The following CSMD2 variants were observed in gnomAD, a reference collection of about 807,000 sequenced individuals.
The protein encoded by CSMD2 is CUB and Sushi multiple domains 2.
A neutral mutation model predicts 398.5 loss-of-function variants in CSMD2; 130 were observed. The observed-to-expected ratio is 0.33, with a 90% confidence interval of 0.28 to 0.38. The LOEUF (loss-of-function observed/expected upper bound fraction) is 0.38, where lower values mean the gene tolerates loss of function less well. CSMD2 is among the 10% of genes least tolerant of loss of function. The pLI, the probability that CSMD2 is intolerant of heterozygous loss-of-function variation, is 1.00. For synonymous variants in CSMD2, 1,828 were observed against 1,908.5 expected, an observed-to-expected ratio of 0.96 and a Z score of 1.10; for missense variants, 3,829 against 4,764.9, an observed-to-expected ratio of 0.80 and a Z score of 5.78.
intron 17 of CSMD2, among the ~76,000 whole-genome samples, chr1:33,724,931 C>G (rs1162960692): frequency 6.6e-6 from 1 of 152,196 alleles, no homozygotes; most frequent in Non-Finnish European, 1.5e-5. Context: ...GCAGCTCCAG[C>G]TTTCTATGTT....
chr1:33,912,704 C>A (rs1010478615), intron 5 of CSMD2, among the ~76,000 whole-genome samples: 2 of 152,180 alleles, frequency 1.3e-5, no homozygotes, highest in African/African-American at 4.8e-5. Context: ...TGTGAGCACC[C>A]CAGTACAGGG....
chr1:33,803,091 T>C (rs1022016259), intron 10 of CSMD2, among the ~76,000 whole-genome samples: 3 of 152,154 alleles, frequency 2.0e-5, no homozygotes, highest in Non-Finnish European at 4.4e-5. Context: ...AGCAAGACAT[T>C]TGTCATCGTT....
intron 5 of CSMD2, among the ~76,000 whole-genome samples, chr1:33,869,792 T>G (rs1640321748): frequency 6.6e-6 from 1 of 152,098 alleles, no homozygotes; most frequent in Non-Finnish European, 1.5e-5. Flanking sequence ...CACTCTCCCT[T>G]TCTCTCTCTC....
At chr1:33,738,787 G>A (rs1216346601) in intron 15 of CSMD2, among the ~76,000 whole-genome samples, 2 of 152,192 alleles carry the variant, frequency 1.3e-5, no homozygotes, top group South Asian at 2.1e-4. Flanking sequence ...AACTCGCAGC[G>A]CTGCCAATGC....
At chr1:34,111,667 C>G (rs1661088974) in intron 1 of CSMD2, among the ~76,000 whole-genome samples, 1 of 152,172 alleles carries the variant, frequency 6.6e-6, no homozygotes, top group Non-Finnish European at 1.5e-5. Context: ...CTTGCCCAAG[C>G]TCACACATAC....
At chr1:34,122,695 C>G (rs1405690860) in intron 1 of CSMD2, among the ~76,000 whole-genome samples, 1 of 152,190 alleles carries the variant, frequency 6.6e-6, no homozygotes, top group East Asian at 1.9e-4. Context: ...TATTTCCATA[C>G]CCCATCTGTG....
chr1:34,150,461 C>T (rs1275354653), intron 1 of CSMD2, among the ~76,000 whole-genome samples: 2 of 152,158 alleles, frequency 1.3e-5, no homozygotes, highest in Non-Finnish European at 2.9e-5. Context: ...GGTTTAAATC[C>T]AGGCTCTCCC....
chr1:33,541,399 A>G, intron 58 of CSMD2, 90 bp from the exon 59 acceptor site: 1 of 955,548 alleles, frequency 1.0e-6, no homozygotes. Flanking sequence ...GCATGCATCC[A>G]AGAAGGGAAA....
chr1:33,815,701 AC>A (rs1424683019), intron 9 of CSMD2, among the ~76,000 whole-genome samples: 1 of 152,236 alleles, frequency 6.6e-6, no homozygotes, highest in African/African-American at 2.4e-5. Flanking sequence ...GGTTATTGCC[AC>A]TTTACTCATA....
chr1:33,859,275 C>T (rs938270507), intron 5 of CSMD2, among the ~76,000 whole-genome samples: 1 of 152,180 alleles, frequency 6.6e-6, no homozygotes. Context: ...GGGGACAATC[C>T]TTTTGCTTGC....
In CSMD2 at chr1:33,973,137, C is replaced by T. The variant is rs747908090; in HGVS notation, c.518-37183G>A. On this transcript the variant is annotated intron_variant, in intron 3 of 70. Transcript: ENST00000373381. The stretch of plus-strand genomic sequence containing the variant: ...TCCTCAACCAGATCCCAGGCCTGGC[C>T]GTGCCAGAATCCAGCCCTGCTAGGA... Among the ~76,000 whole-genome samples the T allele has an allele frequency of 5.8e-4, 88 of 152,198 alleles. 1 individual carries two copies. The highest frequency in any genetic ancestry group is 1.0e-4 in the Non-Finnish European group (7 of 68,028).
In CSMD2 at chr1:33,515,861, T is replaced by G. The variant is rs1376968694; in HGVS notation, c.*763A>C. 1 of 152,234 alleles carries G rather than the reference T, an allele frequency of 6.6e-6. No homozygotes were observed. Among genetic ancestry groups the G allele is most frequent in the Non-Finnish European group, 1.5e-5 (1 of 68,092 alleles). The allele number at this position is 152,234 out of a possible 1,614,324, so 9.4% of individuals were successfully genotyped here. ...CCTATCCTCCCCGGCTCTCCCTTCT[T>G]TCCCAGTGCTTCCCAGGACCCAAAT... On this transcript the variant is annotated 3_prime_UTR_variant, in exon 71 of 71. Transcript: ENST00000373381.
intron 1 of CSMD2, among the ~76,000 whole-genome samples, chr1:34,122,320 G>A (rs1662271087): frequency 6.6e-6 from 1 of 151,990 alleles, no homozygotes; most frequent in African/African-American, 2.4e-5. Flanking sequence ...TGAGCCTTTG[G>A]GGCACCTTTT....
chr1:33,536,735 C>T (rs576141308), intron 62 of CSMD2, among the ~76,000 whole-genome samples: 149 of 146,588 alleles, frequency 1.0e-3, no homozygotes, highest in Middle Eastern at 3.6e-3. Flanking sequence ...TCACTCATTT[C>T]CGTATTTCCA....
At chr1:34,063,862 G>A (rs188748578) in intron 2 of CSMD2, among the ~76,000 whole-genome samples, 27 of 152,346 alleles carry the variant, frequency 1.8e-4, no homozygotes, top group Admixed American at 7.2e-4. Flanking sequence ...TGGGCATCCA[G>A]GCATTTGGAT....
chr1:33,625,245 C>A lies in CSMD2; in HGVS notation c.5306G>T (p.Arg1769Leu). ...GFHFVYQAVP[R>L]TSATQCSSVP... Reference sequence around the variant, plus strand: ...AGAGCTGCACTGCGTGGCGCTGGTTCGAGGAACCGCTGTGGGGGACAAGGG... The same window carrying A: ...AGAGCTGCACTGCGTGGCGCTGGTTAGAGGAACCGCTGTGGGGGACAAGGG... The change falls in exon 34 of 71, where the codon CGA becomes CTA. Residue 1769 changes from arginine (R) to leucine (L), a missense_variant. Physicochemically the swap from Arg to Leu is moderately radical, Grantham distance 102 (BLOSUM62 -2). This residue lies in a region of CSMD2 where 2,001 missense variants were observed against 2,567.1 expected (regional missense o/e 0.78). Coordinates refer to ENST00000373381, the MANE Select transcript of CSMD2 (RefSeq NM_001281956.2). The A allele has an allele frequency of 6.2e-7, 1 of 1,611,094 alleles. No individual in the cohort carries two copies. The highest frequency in any genetic ancestry group is 8.5e-7 in the Non-Finnish European group (1 of 1,179,164).
chr1:33,707,741 AC>A (rs1379284126), intron 22 of CSMD2, among the ~76,000 whole-genome samples: 28 of 145,570 alleles, frequency 1.9e-4, no homozygotes, highest in African/African-American at 7.0e-4. Flanking sequence ...ACACACACAC[AC>A]ACCATACACC....
intron 19 of CSMD2, among the ~76,000 whole-genome samples, chr1:33,722,804 CT>C (rs1481670083): frequency 1.3e-5 from 2 of 150,678 alleles, no homozygotes; most frequent in Non-Finnish European, 3.0e-5. Context: ...TGGATTCTAC[CT>C]TTGTTGTTAC....
chr1:33,866,652 G>A (rs1396462371), intron 5 of CSMD2, among the ~76,000 whole-genome samples: 1 of 151,964 alleles, frequency 6.6e-6, no homozygotes, highest in African/African-American at 2.4e-5. Context: ...TTTCCTCCTG[G>A]TCTCACCCCT....
Sources: gnomAD v4.1 joint callset for allele counts (sites outside exome capture counted in the v4.1 genomes callset) on GRCh38, gnomAD v4.1.1 for gene constraint, gnomAD v4.1.1 regional missense constraint, MANE v1.5 for transcripts, NCBI Gene and HGNC (gene_info 2026-07-23, HGNC 2026-07-21) for gene names.